Variants in HNRNPLL observed in about 807,000 individuals in gnomAD.
The protein encoded by HNRNPLL is heterogeneous nuclear ribonucleoprotein L-like.
In HNRNPLL, 25 loss-of-function variants were observed where a neutral mutation model predicts 67.1. That is an observed-to-expected ratio of 0.37 (90% CI 0.27 to 0.52). The LOEUF (loss-of-function observed/expected upper bound fraction) is 0.52, where lower values mean the gene tolerates loss of function less well. Among genes scored for constraint, HNRNPLL ranks in the 20% least tolerant of loss-of-function variants. The pLI is 0.90. For missense variants in HNRNPLL, 542 were observed against 673.9 expected, an observed-to-expected ratio of 0.80 and a Z score of 2.17; for synonymous variants, 267 against 241.7, an observed-to-expected ratio of 1.10 and a Z score of -0.97.
chr2:38,580,457 A>C (rs1666479806), intron 6 of HNRNPLL, among the ~76,000 whole-genome samples: 1 of 152,248 alleles, frequency 6.6e-6, no homozygotes, highest in Non-Finnish European at 1.5e-5. Flanking sequence ...AAACATGCAA[A>C]AGATCAATCA....
intron 1 of HNRNPLL, among the ~76,000 whole-genome samples, chr2:38,598,199 T>C (rs1007827825): frequency 3.9e-5 from 6 of 152,158 alleles, no homozygotes; most frequent in Admixed American, 1.3e-4. Flanking sequence ...GGTGATTAAT[T>C]AGACGGGGGA....
chr2:38,589,045 T>C (rs1033478372), intron 2 of HNRNPLL, among the ~76,000 whole-genome samples: 8 of 152,186 alleles, frequency 5.3e-5, no homozygotes, highest in Non-Finnish European at 7.3e-5. Flanking sequence ...AAATGTTGTA[T>C]TGTAAAACTA....
chr2:38,590,921 C>T lies in HNRNPLL; in HGVS notation c.308+609G>A, dbSNP rs541656748. On this transcript the variant is annotated intron_variant, in intron 2 of 12. Coordinates refer to ENST00000449105, the MANE Select transcript of HNRNPLL (RefSeq NM_138394.4). ...TAGGGAGGATAAAATGGGAGGATAA[C>T]CTGGGCTCAGGAGGTGGAGGCTCCA... Among the ~76,000 whole-genome samples, 31 of 152,198 alleles carry T rather than the reference C, an allele frequency of 2.0e-4. 1 individual carries two copies. In the South Asian group the frequency reaches 6.2e-3, roughly 31 times the overall value.
intron 1 of HNRNPLL, among the ~76,000 whole-genome samples, chr2:38,601,787 C>T (rs1323267838): frequency 1.3e-5 from 2 of 152,218 alleles, no homozygotes; most frequent in African/African-American, 4.8e-5. Flanking sequence ...GCTGCCAACA[C>T]TTCTGTTGAA....
At chr2:38,597,683 CTTT>C (rs1176585653) in intron 1 of HNRNPLL, among the ~76,000 whole-genome samples, 1 of 147,696 alleles carries the variant, frequency 6.8e-6, no homozygotes, top group African/African-American at 2.4e-5. Context: ...AGTCAAGTAA[CTTT>C]TTTTATTTTT....
intron 2 of HNRNPLL, among the ~76,000 whole-genome samples, chr2:38,586,863 A>G (rs12990659): frequency 0.12 from 18,757 of 152,146 alleles, 1,244 homozygotes; most frequent in African/African-American, 0.14. Context: ...AAAATATAAT[A>G]CAGTACGTTC....
chr2:38,570,456 G>C (rs994075190), intron 8 of HNRNPLL, among the ~76,000 whole-genome samples: 3 of 152,128 alleles, frequency 2.0e-5, no homozygotes, highest in Admixed American at 6.6e-5. Flanking sequence ...CAGTAAACAA[G>C]ATGCTATATA....
rs1351305395 is a variant in HNRNPLL, at chr2:38,591,568, T to G, written c.270A>C (p.Ala90=). The change falls in exon 2 of 13, where the codon GCA becomes GCC. Residue 90 remains alanine, a synonymous_variant. Transcript: ENST00000449105. ...VRGLCESVVE[A]DLVEALEKFG... ...ATTTTTCCAGCGCTTCCACGAGGTC[T>G]GCTTCCACCACAGATTCACAGAGTC... is the stretch of plus-strand genomic sequence containing the variant. 6.2e-7 allele frequency: 1 copy of G among 1,613,822 alleles called. No individual in the cohort carries two copies. The highest frequency in any genetic ancestry group is 8.5e-7 in the Non-Finnish European group (1 of 1,179,688).
intron 2 of HNRNPLL, among the ~76,000 whole-genome samples, chr2:38,589,681 A>C (rs982131203): frequency 6.6e-6 from 1 of 152,206 alleles, no homozygotes; most frequent in Non-Finnish European, 1.5e-5. Flanking sequence ...TGCAAAGGTC[A>C]CCAGGAGTAA....
At position 38,570,918 on chromosome 2, in the gene HNRNPLL, T is replaced by C. The variant is rs559002690; in HGVS notation, c.1093-993A>G. ...ACAAAACCAGCTGGGCATGGTGGCA[T>C]GCACCTGTAGTCCCAGCTACTCAGG... On this transcript the variant is annotated intron_variant, in intron 8 of 12. Transcript: ENST00000449105. 3.5e-4 allele frequency among the ~76,000 whole-genome samples: 53 copies of C among 151,758 alleles called. 1 individual carries two copies. Among genetic ancestry groups the C allele is most frequent in the Admixed American group, 3.0e-3 (45 of 15,234 alleles).
rs887097042 is a variant in HNRNPLL at position 38,601,410 on chromosome 2, T to C, written c.189+1028A>G. Among the ~76,000 whole-genome samples, 6 of 152,228 alleles carry C rather than the reference T, an allele frequency of 3.9e-5. No individual in the cohort carries two copies. The East Asian group carries it at 1.2e-3, about 29-fold the overall frequency. On this transcript the variant is annotated intron_variant, in intron 1 of 12. Transcript: ENST00000449105. ...TTAACCTAATAGTAGGATATATGTG[T>C]ACAGTTTCGTAATTCTGTTAAAGTT... is the stretch of plus-strand genomic sequence containing the variant.
At chr2:38,588,146 TACGTCTTTA>T (rs1476509744) in intron 2 of HNRNPLL, among the ~76,000 whole-genome samples, 3 of 152,272 alleles carry the variant, frequency 2.0e-5, no homozygotes, top group African/African-American at 7.2e-5. Flanking sequence ...CACTCTCAAA[TACGTCTTTA>T]TAGCAATATA....
chr2:38,568,046 ATAAC>A (rs1665939845), intron 12 of HNRNPLL, 149 bp downstream of exon 12: 1 of 568,518 alleles, frequency 1.8e-6, no homozygotes, highest in Non-Finnish European at 3.1e-6. Flanking sequence ...ACAGCAATAG[ATAAC>A]TAATACAGGA....
intron 8 of HNRNPLL, among the ~76,000 whole-genome samples, chr2:38,572,270 G>C (rs1666120158): frequency 1.3e-5 from 2 of 151,910 alleles, no homozygotes; most frequent in Non-Finnish European, 2.9e-5. Flanking sequence ...CAAAATTCTT[G>C]TTTCATAATT....
At chr2:38,565,521 C>G (rs1665823167) in intron 12 of HNRNPLL, among the ~76,000 whole-genome samples, 1 of 151,752 alleles carries the variant, frequency 6.6e-6, no homozygotes, top group African/African-American at 2.4e-5. Context: ...CCAGCCTGGG[C>G]AACACAGCAG....
chr2:38,594,416 A>G (rs1667091870), intron 1 of HNRNPLL, among the ~76,000 whole-genome samples: 1 of 152,136 alleles, frequency 6.6e-6, no homozygotes, highest in African/African-American at 2.4e-5. Flanking sequence ...TAGGCATGAA[A>G]TGTCATGATG....
chr2:38,569,967 T>G (rs763646845), intron 8 of HNRNPLL, 42 bp from the exon 9 acceptor site: 3 of 1,451,342 alleles, frequency 2.1e-6, no homozygotes, highest in East Asian at 4.7e-5. Context: ...TTTAATTCCC[T>G]TTTACAGTAA....
intron 10 of HNRNPLL, 108 bp from the exon 11 acceptor site, chr2:38,568,551 T>C: frequency 4.5e-6 from 3 of 671,774 alleles, no homozygotes; most frequent in East Asian, 2.7e-5. Context: ...CTCAAATGAA[T>C]GGATTAAATC....
chr2:38,594,543 C>T (rs1667096972), intron 1 of HNRNPLL, among the ~76,000 whole-genome samples: 3 of 152,238 alleles, frequency 2.0e-5, no homozygotes, highest in African/African-American at 7.2e-5. Context: ...AAGCTAAAAA[C>T]TGCTGAATCT....
Sources: gnomAD v4.1 joint callset for allele counts (sites outside exome capture counted in the v4.1 genomes callset) on GRCh38, gnomAD v4.1.1 for gene constraint, MANE v1.5 for transcripts, NCBI Gene and HGNC (gene_info 2026-07-23, HGNC 2026-07-21) for gene names.